PHYHIPL: variants seen among roughly 807,000 people sequenced by gnomAD.
The protein encoded by PHYHIPL is phytanoyl-CoA hydroxylase-interacting protein-like.
A neutral mutation model predicts 33.4 loss-of-function variants in PHYHIPL; 9 were observed. The observed-to-expected ratio is 0.27, with a 90% CI of 0.16 to 0.47. PHYHIPL has a LOEUF of 0.47. Ranked by LOEUF, PHYHIPL falls within the 20% of genes least tolerant of loss-of-function variation. The pLI is 0.99. For missense variants in PHYHIPL, 365 were observed against 460.7 expected (o/e 0.79, Z 1.90); for synonymous variants, 153 against 154.1 (o/e 0.99, Z 0.05).
chr10:59,217,207 G>A (rs1373332878), intron 1 of PHYHIPL, among the ~76,000 whole-genome samples: 1 of 152,076 alleles, frequency 6.6e-6, no homozygotes, highest in African/African-American at 2.4e-5. Context: ...GGAATTTGAA[G>A]TGGAGAAAAA....
upstream of PHYHIPL, among the ~76,000 whole-genome samples, chr10:59,173,921 GTTTTTTTTTT>G (rs368316005): frequency 5.0e-3 from 288 of 57,530 alleles, 1 homozygote; most frequent in Admixed American, 0.019. Context: ...TACTTCTGAG[GTTTTTTTTTT>G]TTTTTTTTTT....
chr10:59,226,633 A>G (rs1384145428), intron 1 of PHYHIPL, among the ~76,000 whole-genome samples: 1 of 152,204 alleles, frequency 6.6e-6, no homozygotes, highest in South Asian at 2.1e-4. Context: ...TACCTGGGCT[A>G]GGGAATGCAG....
At chr10:59,225,496 C>T (rs1490883425) in intron 1 of PHYHIPL, among the ~76,000 whole-genome samples, 1 of 152,036 alleles carries the variant, frequency 6.6e-6, no homozygotes, top group Non-Finnish European at 1.5e-5. Context: ...AGGCTTACCT[C>T]TAAAGTGGTA....
chr10:59,201,429 G>T (rs1486247739), intron 1 of PHYHIPL, among the ~76,000 whole-genome samples: 4 of 152,130 alleles, frequency 2.6e-5, no homozygotes, highest in African/African-American at 9.7e-5. Flanking sequence ...GAGACAATTT[G>T]TTATAATTTC....
intron 1 of PHYHIPL, among the ~76,000 whole-genome samples, chr10:59,198,125 A>G (rs996611365): frequency 2.0e-5 from 3 of 152,056 alleles, no homozygotes; most frequent in Admixed American, 1.3e-4. Flanking sequence ...ACATATGTAT[A>G]CATGTGCCAT....
At chr10:59,180,287 C>A in intron 1 of PHYHIPL, among the ~76,000 whole-genome samples, 1 of 135,122 alleles carries the variant, frequency 7.4e-6, no homozygotes, top group East Asian at 2.1e-4. Context: ...CATACACACA[C>A]ATATATAATA....
chr10:59,218,671 A>AT (rs1006887994), intron 1 of PHYHIPL, among the ~76,000 whole-genome samples: 55 of 152,052 alleles, frequency 3.6e-4, no homozygotes, highest in African/African-American at 1.3e-3. Context: ...TTTAAAAAAC[A>AT]TTTTTGAGTG....
At chr10:59,177,394 C>T in intron 1 of PHYHIPL, 3 of 1,345,726 alleles carry the variant, frequency 2.2e-6, no homozygotes, top group Middle Eastern at 3.9e-4. Context: ...CTTCCAGAAA[C>T]TTATCATTTT....
intron 1 of PHYHIPL, among the ~76,000 whole-genome samples, chr10:59,208,679 A>G (rs894211328): frequency 6.6e-6 from 1 of 152,100 alleles, no homozygotes; most frequent in Admixed American, 6.6e-5. Flanking sequence ...AGAACCTTGA[A>G]AAAAGGTTAG....
chr10:59,180,863 A>C (rs1315344831), intron 1 of PHYHIPL, among the ~76,000 whole-genome samples: 1 of 152,208 alleles, frequency 6.6e-6, no homozygotes, highest in African/African-American at 2.4e-5. Context: ...GTGATGTTAG[A>C]TAATCCGTAA....
Position 59,234,499 on chromosome 10 carries a change from A to G in PHYHIPL, c.302A>G (p.Lys101Arg). Residue 101 changes from lysine to arginine, a missense_variant and splice_region_variant, in exon 2 of 5, where the codon AAG (lysine) becomes AGG (arginine). Physicochemically the swap from Lys to Arg is conservative, Grantham distance 26. Coordinates refer to ENST00000373880, the MANE Select transcript of PHYHIPL (RefSeq NM_032439.4). ...ENKNSNKFKHKDVPTKLVAKA... is the reference protein window; with the variant it reads ...ENKNSNKFKHRDVPTKLVAKA... Reference sequence around the variant, plus strand: ...AAGAACTCCAATAAATTTAAACACAAGGTAAAATCTAACAAATACTCATGC... The same window carrying G: ...AAGAACTCCAATAAATTTAAACACAGGGTAAAATCTAACAAATACTCATGC... The G allele has an allele frequency of 4.6e-6, 7 of 1,535,948 alleles. No individual in the cohort carries two copies. Among genetic ancestry groups the G allele is most frequent in the Non-Finnish European group, 6.1e-6 (7 of 1,147,728 alleles).
intron 4 of PHYHIPL, among the ~76,000 whole-genome samples, chr10:59,243,087 C>A (rs1840465444): frequency 6.6e-6 from 1 of 151,042 alleles, no homozygotes; most frequent in African/African-American, 2.4e-5. Context: ...CAAAGAAATC[C>A]ATGCCAAGAT....
At chr10:59,186,068 G>A (rs559618786) in intron 1 of PHYHIPL, among the ~76,000 whole-genome samples, 194 of 152,068 alleles carry the variant, frequency 1.3e-3, no homozygotes, top group Admixed American at 3.4e-3. Context: ...GGTATTGCCT[G>A]GGTTTTCTTC....
At chr10:59,218,693 A>G (rs1219586416) in intron 1 of PHYHIPL, among the ~76,000 whole-genome samples, 1 of 128,704 alleles carries the variant, frequency 7.8e-6, no homozygotes, top group African/African-American at 2.5e-5. Flanking sequence ...TCTTGGTCTG[A>G]TATAGTTTGA....
intron 4 of PHYHIPL, among the ~76,000 whole-genome samples, chr10:59,244,159 G>A (rs1216721462): frequency 6.6e-6 from 1 of 152,142 alleles, no homozygotes; most frequent in African/African-American, 2.4e-5. Flanking sequence ...AGGTCACAGT[G>A]GAGGACTGTG....
At chr10:59,224,500 A>AAAACAAAACAAAAC (rs879272977) in intron 1 of PHYHIPL, among the ~76,000 whole-genome samples, 39 of 120,844 alleles carry the variant, frequency 3.2e-4, no homozygotes, top group South Asian at 8.7e-4. Context: ...CAAAACAAAA[A>AAAACAAAACAAAAC]ACAAAACAAA....
rs542042210 is a variant in PHYHIPL at position 59,186,577 on chromosome 10, A to G, written c.106+9618A>G. 2.0e-5 allele frequency among the ~76,000 whole-genome samples: 3 copies of G among 152,164 alleles called. No homozygotes were observed. In the East Asian group the frequency reaches 5.8e-4, roughly 29 times the overall value. ...TGGGCAGTATGGCCATTTTCACGATATTGATTCTTCCTATCCATAAGCATG... is the reference window on the plus strand; with the variant it reads ...TGGGCAGTATGGCCATTTTCACGATGTTGATTCTTCCTATCCATAAGCATG... On this transcript the variant is annotated intron_variant, in intron 1 of 4. Transcript: ENST00000373880.
chr10:59,219,932 GA>G (rs951737081), intron 1 of PHYHIPL, among the ~76,000 whole-genome samples: 2 of 152,214 alleles, frequency 1.3e-5, no homozygotes, highest in African/African-American at 4.8e-5. Context: ...ACAGGTACAT[GA>G]AAAAGCAGAC....
chr10:59,200,940 T>G (rs2133217609), intron 1 of PHYHIPL, among the ~76,000 whole-genome samples: 1 of 152,302 alleles, frequency 6.6e-6, no homozygotes, highest in Non-Finnish European at 1.5e-5. Context: ...TATTTGATTC[T>G]TCTCTCTTTT....
Sources: gnomAD v4.1 joint callset for allele counts (sites outside exome capture counted in the v4.1 genomes callset) on GRCh38, gnomAD v4.1.1 for gene constraint, MANE v1.5 for transcripts, NCBI Gene and HGNC (gene_info 2026-07-23, HGNC 2026-07-21) for gene names.